POGLUT2: variants seen among roughly 807,000 people sequenced by gnomAD.
The protein encoded by POGLUT2 is protein O-glucosyltransferase 2.
A neutral mutation model predicts 57.6 loss-of-function variants in POGLUT2; 47 were observed. The ratio of observed to expected loss-of-function variants is 0.82; its 90% CI spans 0.65 to 1.04. The LOEUF (loss-of-function observed/expected upper bound fraction) is 1.04. Among genes scored for constraint, POGLUT2 ranks in the 50% least tolerant of loss-of-function variants. POGLUT2 has a pLI of 0.00. For missense variants in POGLUT2, 565 were observed against 614.8 expected (o/e 0.92, Z 0.86); for synonymous variants, 200 against 218.8 (o/e 0.91, Z 0.76).
intron 2 of POGLUT2, among the ~76,000 whole-genome samples, chr13:102,794,914 A>G (rs1878314553): frequency 6.6e-6 from 1 of 151,314 alleles, no homozygotes; most frequent in African/African-American, 2.4e-5. Context: ...AGCAAAAATA[A>G]ACAAGGAACT....
intron 6 of POGLUT2, among the ~76,000 whole-genome samples, chr13:102,789,574 T>G (rs1878089671): frequency 6.6e-6 from 1 of 152,220 alleles, no homozygotes; most frequent in South Asian, 2.1e-4. Flanking sequence ...AATGATGGCA[T>G]ATTCTGAGCC....
intron 8 of POGLUT2, among the ~76,000 whole-genome samples, chr13:102,786,919 T>A (rs1877968088): frequency 1.3e-5 from 2 of 152,156 alleles, no homozygotes; most frequent in African/African-American, 4.8e-5. Context: ...ATACACCAAC[T>A]TTGATCTGTA....
chr13:102,790,150 C>G (rs1310919013), intron 6 of POGLUT2, among the ~76,000 whole-genome samples: 2 of 152,184 alleles, frequency 1.3e-5, no homozygotes, highest in African/African-American at 2.4e-5. Flanking sequence ...TAGAAAAATA[C>G]TGACAATTCA....
chr13:102,791,385 G>T lies in POGLUT2; in HGVS notation c.718C>A (p.Pro240Thr), dbSNP rs758360012. The T allele has an allele frequency of 1.9e-6, 3 of 1,608,628 alleles. No individual in the cohort carries two copies. The Admixed American group carries it at 5.1e-5, about 28-fold the overall frequency. Residue 240 changes from proline to threonine, a missense_variant, in exon 5 of 10, where the codon CCT (proline) becomes ACT (threonine). Pro to Thr is a conservative substitution (Grantham distance 38, BLOSUM62 -1). Transcript: ENST00000376004. ...VELFVNLGDWPLEKKKSNSNI... is the reference protein window; with the variant it reads ...VELFVNLGDWTLEKKKSNSNI... ...GAATTGGATTTCTTTTTTTCCAAAG[G>T]CCAGTCTCCCAAATTAACAAAGAGC... is the stretch of plus-strand genomic sequence containing the variant.
At position 102,784,298 on chromosome 13, in the gene POGLUT2, G is replaced by A; in HGVS notation, c.*197C>T. 6.4e-6 allele frequency: 3 copies of A among 469,598 alleles called. No homozygotes were observed. Among genetic ancestry groups the A allele is most frequent in the Non-Finnish European group, 1.2e-5 (3 of 258,030 alleles). 29.1% of individuals were successfully genotyped at this position (469,598 alleles called of 1,614,324 possible). ...CAACGTAGTCCTTTAAAATAAAGGTGGTTTTATTATAAAATTCTAAAAATG... is the reference window on the plus strand; with the variant it reads ...CAACGTAGTCCTTTAAAATAAAGGTAGTTTTATTATAAAATTCTAAAAATG... On this transcript the variant is annotated 3_prime_UTR_variant, in exon 10 of 10. Coordinates refer to ENST00000376004, the MANE Select transcript of POGLUT2 (RefSeq NM_024089.3).
At chr13:102,788,373 A>G (rs1186578430) in intron 7 of POGLUT2, among the ~76,000 whole-genome samples, 1 of 152,234 alleles carries the variant, frequency 6.6e-6, no homozygotes, top group Non-Finnish European at 1.5e-5. Flanking sequence ...CAGACTGGCC[A>G]TCTTACAATT....
At chr13:102,788,890 C>A in intron 7 of POGLUT2, 122 bp downstream of exon 7, 3 of 852,442 alleles carry the variant, frequency 3.5e-6, no homozygotes, top group Non-Finnish European at 5.8e-6. Context: ...GGCAGCTTCC[C>A]ATTTACAGGC....
Position 102,798,884 on chromosome 13 carries a change from C to T in POGLUT2, c.-214G>A. 1 of 491,962 alleles carries T rather than the reference C, an allele frequency of 2.0e-6. No homozygotes were observed. Among genetic ancestry groups the T allele is most frequent in the Non-Finnish European group, 3.6e-6 (1 of 280,624 alleles). The allele number at this position is 491,962 out of a possible 1,614,324, so 30.5% of individuals were successfully genotyped here. A position where few individuals can be genotyped will look rare whatever the true frequency, so the allele number is the denominator to read the frequency against. ...CCCGGCGCGCCCAGGTGAGGGTCCC[C>T]TGGCGTTCTGCTGTCCCGGCCGAGA... On this transcript the variant is annotated 5_prime_UTR_variant, in exon 1 of 10. Coordinates refer to ENST00000376004, the MANE Select transcript of POGLUT2 (RefSeq NM_024089.3).
intron 7 of POGLUT2, 30 bp from the exon 8 acceptor site, chr13:102,787,953 A>C (rs764393728): frequency 1.4e-6 from 2 of 1,424,716 alleles, no homozygotes; most frequent in Non-Finnish European, 2.0e-6. Context: ...AAAATCCTGT[A>C]ATAGAATCCA....
chr13:102,784,494 A>C lies in POGLUT2; in HGVS notation c.*1T>G. ...TATTCTAATAGAAGTTATTTTGCAT[A>C]TCAGAGTTCATCTTTGGTCTGCAAT... On this transcript the variant is annotated 3_prime_UTR_variant, in exon 10 of 10. Transcript: ENST00000376004. 1 of 1,545,196 alleles carries C rather than the reference A, an allele frequency of 6.5e-7. No homozygotes were observed. The highest frequency in any genetic ancestry group is 1.1e-5 in the South Asian group (1 of 88,662).
rs770206905 is a variant in POGLUT2 at position 102,793,683 on chromosome 13, T to C, written c.512A>G (p.Asp171Gly). 1 of 1,614,208 alleles carries C rather than the reference T, an allele frequency of 6.2e-7. No individual in the cohort carries two copies. The highest frequency in any genetic ancestry group is 1.1e-5 in the South Asian group (1 of 91,090). Reference sequence around the variant, plus strand: ...GATTTCTACTGCAATCTTTTCTGGATCCACAGCAGGGAAATGTGCCAGATC... The same window carrying C: ...GATTTCTACTGCAATCTTTTCTGGACCCACAGCAGGGAAATGTGCCAGATC... ...QRDLAHFPAV[D>G]PEKIAVEIPK... Residue 171 changes from aspartate (D) to glycine (G), a missense_variant, in exon 3 of 10, where the codon GAT becomes GGT. Physicochemically the swap from Asp to Gly is moderately conservative, Grantham distance 94. Coordinates refer to ENST00000376004, the MANE Select transcript of POGLUT2 (RefSeq NM_024089.3).
At chr13:102,786,159 A>C (rs1877931391) in intron 9 of POGLUT2, 73 bp downstream of exon 9, 3 of 942,790 alleles carry the variant, frequency 3.2e-6, no homozygotes, top group African/African-American at 1.6e-5. Flanking sequence ...TTGAATGACT[A>C]TAGGAATAAA....
chr13:102,793,335 A>T lies in POGLUT2; in HGVS notation c.672+6T>A. ...CTATTACAGCTAAGAGAAAATATAT[A>T]CTTACCTTTCTAGTCAAAGAAAGTA... is the stretch of plus-strand genomic sequence containing the variant. On this transcript the variant is annotated splice_donor_region_variant and intron_variant, in intron 4 of 9. Transcript: ENST00000376004. 1 of 1,445,264 alleles carries T rather than the reference A, an allele frequency of 6.9e-7. No homozygotes were observed. Among genetic ancestry groups the T allele is most frequent in the Non-Finnish European group, 9.7e-7 (1 of 1,031,986 alleles). 89.5% of individuals were successfully genotyped at this position (1,445,264 alleles called of 1,614,324 possible).
At chr13:102,791,668 G>A (rs1052768162) in intron 4 of POGLUT2, among the ~76,000 whole-genome samples, 1 of 152,072 alleles carries the variant, frequency 6.6e-6, no homozygotes, top group Non-Finnish European at 1.5e-5. Context: ...CTAATACTGC[G>A]AACAGCCTCT....
At chr13:102,784,626 A>G in intron 9 of POGLUT2, 114 bp from the exon 10 acceptor site, 1 of 674,832 alleles carries the variant, frequency 1.5e-6, no homozygotes. Context: ...AGCTGCTGCT[A>G]GAGGCTTTTA....
chr13:102,793,915 G>A, intron 2 of POGLUT2, 109 bp from the exon 3 acceptor site: 1 of 929,306 alleles, frequency 1.1e-6, no homozygotes, highest in Non-Finnish European at 1.7e-6. Flanking sequence ...AGTTACATAG[G>A]AAGAGCATTT....
At chr13:102,792,050 T>C in intron 4 of POGLUT2, 1 of 1,289,482 alleles carries the variant, frequency 7.8e-7, no homozygotes, top group Non-Finnish European at 1.0e-6. Flanking sequence ...CATTTTCCCA[T>C]GGATTGACAA....
chr13:102,790,590 C>G (rs993138141), intron 6 of POGLUT2, among the ~76,000 whole-genome samples: 34 of 152,158 alleles, frequency 2.2e-4, no homozygotes, highest in African/African-American at 8.2e-4. Context: ...TGTAAAATGA[C>G]TTACATGTAA....
At chr13:102,791,236 C>A in intron 5 of POGLUT2, 22 bp downstream of exon 5, 3 of 1,602,544 alleles carry the variant, frequency 1.9e-6, no homozygotes, top group Non-Finnish European at 2.6e-6. Flanking sequence ...AGGCTCTGGG[C>A]CAACCCTGAC....
Sources: allele counts gnomAD v4.1 joint callset (sites outside exome capture counted in the v4.1 genomes callset), GRCh38; gene constraint gnomAD v4.1.1; transcripts MANE v1.5; gene names NCBI Gene and HGNC (gene_info 2026-07-23, HGNC 2026-07-21).